MYLK4: variants seen among roughly 807,000 people sequenced by gnomAD.
MYLK4 encodes the protein caMLCK like.
Under a neutral mutation model 48.1 loss-of-function variants are expected in MYLK4, and 46 were observed. The ratio of observed to expected loss-of-function variants is 0.96; its 90% CI spans 0.75 to 1.22. The LOEUF is 1.22. MYLK4 is among the 50% of genes most tolerant of loss of function. The pLI is 0.00. For missense variants in MYLK4, 451 were observed against 486.1 expected (o/e 0.93, Z 0.68); for synonymous variants, 170 against 180.8 (o/e 0.94, Z 0.48).
chr6:2,731,297 A>G (rs1045804711), intron 2 of MYLK4, among the ~76,000 whole-genome samples: 1 of 152,274 alleles, frequency 6.6e-6, no homozygotes, highest in Admixed American at 6.5e-5. Flanking sequence ...ATGGGAACTG[A>G]CAAGAGGATG....
rs759016773 is a variant in MYLK4 at position 2,685,566 on chromosome 6, C to T, written c.352G>A (p.Gly118Ser). 6 of 1,613,990 alleles carry T rather than the reference C, an allele frequency of 3.7e-6. No homozygotes were observed. The Admixed American group carries it at 5.0e-5, about 13-fold the overall frequency. Reference protein sequence around the residue: ...KTEILGGGRFGQVHKCEETAT... With the variant: ...KTEILGGGRFSQVHKCEETAT... ...GTCTCCTCACACTTGTGAACCTGGC[C>T]GAAACGCCCTCTGCCAAAAAGAGGA... Residue 118 changes from glycine to serine, a missense_variant, in exon 5 of 13, where the codon GGC becomes AGC. Physicochemically the swap from Gly to Ser is moderately conservative, Grantham distance 56 (BLOSUM62 0). Coordinates refer to ENST00000274643, the MANE Select transcript of MYLK4 (RefSeq NM_001012418.5). The surrounding 1 kb of genome is among the most constrained non-coding windows in gnomAD (Gnocchi z 4.5).
chr6:2,763,862 C>G, the MYLK4 span, among the ~76,000 whole-genome samples: 2 of 151,772 alleles, frequency 1.3e-5, no homozygotes, highest in Admixed American at 1.3e-4. Flanking sequence ...AAAAAAAGCT[C>G]ACGGTCGGGC....
chr6:2,737,282 C>T (rs1291351997), intron 2 of MYLK4, among the ~76,000 whole-genome samples: 1 of 152,262 alleles, frequency 6.6e-6, no homozygotes, highest in Non-Finnish European at 1.5e-5. Context: ...CACCGCACTC[C>T]AGCCTGGCGA....
At chr6:2,765,124 C>G in the MYLK4 span, among the ~76,000 whole-genome samples, 2 of 148,028 alleles carry the variant, frequency 1.4e-5, no homozygotes, top group South Asian at 4.3e-4. Flanking sequence ...CAGGCCTGGG[C>G]GGAGGGCTGC....
At chr6:2,745,095 G>A (rs1291048436) in intron 2 of MYLK4, among the ~76,000 whole-genome samples, 1 of 152,184 alleles carries the variant, frequency 6.6e-6, no homozygotes, top group Non-Finnish European at 1.5e-5. Flanking sequence ...CGGGCCTCAG[G>A]AGCAGGGATG....
chr6:2,717,782 T>G (rs1762920278), intron 2 of MYLK4, among the ~76,000 whole-genome samples: 1 of 152,206 alleles, frequency 6.6e-6, no homozygotes, highest in South Asian at 2.1e-4. Context: ...GACTCCACAT[T>G]CAGTGCTCTT....
chr6:2,749,382 A>G lies in MYLK4; in HGVS notation c.-88T>C. ...ATTTATAAATCAGGACACAATTATG[A>G]CTCTTCAGTGCTTCTTTCTCTTGAC... On this transcript the variant is annotated 5_prime_UTR_variant, in exon 2 of 13. Transcript: ENST00000274643. The G allele has an allele frequency of 9.9e-7, 1 of 1,013,396 alleles. No individual in the cohort carries two copies. The highest frequency in any genetic ancestry group is 1.5e-6 in the Non-Finnish European group (1 of 688,340). The allele number at this position is 1,013,396 out of a possible 1,614,324, so 62.8% of individuals were successfully genotyped here.
intron 7 of MYLK4, among the ~76,000 whole-genome samples, chr6:2,682,653 C>G (rs191620088): frequency 6.6e-6 from 1 of 152,304 alleles, no homozygotes; most frequent in Non-Finnish European, 1.5e-5. Flanking sequence ...AGGTTGACTA[C>G]TACTTAGGGA....
the MYLK4 span, among the ~76,000 whole-genome samples, chr6:2,767,340 A>G: frequency 6.6e-6 from 1 of 152,266 alleles, no homozygotes; most frequent in African/African-American, 2.4e-5. Flanking sequence ...GAAAGGGAGA[A>G]TTCAGGGATC....
At chr6:2,730,868 G>A (rs1763454155) in intron 2 of MYLK4, among the ~76,000 whole-genome samples, 1 of 152,120 alleles carries the variant, frequency 6.6e-6, no homozygotes, top group South Asian at 2.1e-4. Flanking sequence ...TGAACGTGAA[G>A]GATGAAAGGG....
At chr6:2,757,086 A>G in the MYLK4 span, among the ~76,000 whole-genome samples, 2 of 152,016 alleles carry the variant, frequency 1.3e-5, no homozygotes, top group African/African-American at 4.8e-5. Context: ...AAACACTGCC[A>G]TAGGGCGTGC....
At chr6:2,694,578 C>CTGCTGGTGG (rs1286503642) in intron 2 of MYLK4, among the ~76,000 whole-genome samples, 2 of 46,220 alleles carry the variant, frequency 4.3e-5, no homozygotes, top group Non-Finnish European at 9.0e-5. Flanking sequence ...GGTAGTGCTG[C>CTGCTGGTGG]TGGTGGTGGT....
rs1761442060 is a variant in MYLK4 at position 2,684,241 on chromosome 6, A to G, written c.545+1055T>C. On this transcript the variant is annotated intron_variant, in intron 6 of 12. Transcript: ENST00000274643. ...GGTCGGCTACTAAGTGACTAACCGC[A>G]GGGAGTGGTGGAGACGCTGGACAAA... Among the ~76,000 whole-genome samples, 4 of 152,278 alleles carry G rather than the reference A, an allele frequency of 2.6e-5. No individual in the cohort carries two copies. In the South Asian group the frequency reaches 8.3e-4, roughly 32 times the overall value.
chr6:2,766,009 C>G, the MYLK4 span: 2 of 1,351,946 alleles, frequency 1.5e-6, no homozygotes, highest in Non-Finnish European at 1.9e-6. Context: ...TCCCGGTGGC[C>G]CGCTCCAGCA....
At chr6:2,766,675 A>G in the MYLK4 span, among the ~76,000 whole-genome samples, 1 of 152,346 alleles carries the variant, frequency 6.6e-6, no homozygotes, top group South Asian at 2.1e-4. Flanking sequence ...CGGGTTTGCA[A>G]AAGGACGATG....
At chr6:2,702,445 G>T (rs1396477628) in intron 2 of MYLK4, among the ~76,000 whole-genome samples, 1 of 152,134 alleles carries the variant, frequency 6.6e-6, no homozygotes, top group Non-Finnish European at 1.5e-5. Flanking sequence ...AAAGTATTGT[G>T]TCTAGCATAG....
intron 2 of MYLK4, among the ~76,000 whole-genome samples, chr6:2,726,031 C>T (rs1249366027): frequency 6.6e-6 from 1 of 152,182 alleles, no homozygotes; most frequent in Admixed American, 6.5e-5. Flanking sequence ...TTAAGACAGA[C>T]TTTGAGGGGT....
chr6:2,710,342 T>C (rs185943633), intron 2 of MYLK4, among the ~76,000 whole-genome samples: 2 of 152,106 alleles, frequency 1.3e-5, no homozygotes, highest in African/African-American at 4.8e-5. Context: ...TATTAGAAAT[T>C]TACAGCCCCC....
At chr6:2,703,267 CACA>C (rs1215538549) in intron 2 of MYLK4, among the ~76,000 whole-genome samples, 1 of 152,090 alleles carries the variant, frequency 6.6e-6, no homozygotes, top group Non-Finnish European at 1.5e-5. Flanking sequence ...GGCATGTGGC[CACA>C]ACAACAGGCT....
Sources: gnomAD v4.1 joint callset for allele counts (sites outside exome capture counted in the v4.1 genomes callset) on GRCh38, gnomAD v4.1.1 for gene constraint, Gnocchi (gnomAD v3.1) non-coding constraint, MANE v1.5 for transcripts, NCBI Gene and HGNC (gene_info 2026-07-23, HGNC 2026-07-21) for gene names.